The following PRXL2A variants were observed in gnomAD, a reference collection of about 807,000 sequenced individuals.
PRXL2A encodes the protein peroxiredoxin-like 2A.
In PRXL2A, 26 loss-of-function variants were observed where a neutral mutation model predicts 25.6. The ratio of observed to expected loss-of-function variants is 1.02; its 90% CI spans 0.74 to 1.41. PRXL2A has a LOEUF of 1.41. PRXL2A is among the 40% of genes most tolerant of loss of function. The pLI, the probability that PRXL2A is intolerant of heterozygous loss-of-function variation, is 0.00. For missense variants in PRXL2A, 246 were observed against 273.9 expected (o/e 0.90, Z 0.72); for synonymous variants, 98 against 102.9 (o/e 0.95, Z 0.29).
intron 3 of PRXL2A, among the ~76,000 whole-genome samples, chr10:80,424,116 C>T (rs1403244864): frequency 6.6e-6 from 1 of 152,146 alleles, no homozygotes; most frequent in Non-Finnish European, 1.5e-5. Flanking sequence ...TCTGTGCCCA[C>T]ATAGAACATT....
At chr10:80,422,660 G>T in intron 3 of PRXL2A, 152 bp downstream of exon 3, 3 of 494,010 alleles carry the variant, frequency 6.1e-6, no homozygotes, top group Admixed American at 3.9e-5. Flanking sequence ...TTTGATTTGT[G>T]CTCTTTTTTT....
intron 5 of PRXL2A, among the ~76,000 whole-genome samples, chr10:80,429,205 A>T (rs1029794033): frequency 6.6e-6 from 1 of 152,146 alleles, no homozygotes; most frequent in Non-Finnish European, 1.5e-5. Flanking sequence ...TTGGTAACTG[A>T]TTCGCTTGAC....
At chr10:80,417,388 C>T (rs1589554014) in intron 1 of PRXL2A, among the ~76,000 whole-genome samples, 1 of 152,174 alleles carries the variant, frequency 6.6e-6, no homozygotes, top group African/African-American at 2.4e-5. Flanking sequence ...TCTGCTTACA[C>T]AGGTCAACTC....
chr10:80,420,719 C>A, intron 2 of PRXL2A, 74 bp downstream of exon 2: 1 of 1,148,730 alleles, frequency 8.7e-7, no homozygotes, highest in Non-Finnish European at 1.2e-6. Context: ...TCTTTCTAAA[C>A]TCTCTCCTTT....
intron 5 of PRXL2A, among the ~76,000 whole-genome samples, chr10:80,430,389 G>A (rs552972184): frequency 6.6e-6 from 1 of 152,008 alleles, no homozygotes; most frequent in Non-Finnish European, 1.5e-5. Context: ...GGCGTGAGCC[G>A]CCGCACCCTG....
intron 1 of PRXL2A, among the ~76,000 whole-genome samples, chr10:80,411,272 A>G (rs778095194): frequency 1.8e-4 from 27 of 152,206 alleles, no homozygotes; most frequent in Non-Finnish European, 3.7e-4. Context: ...CCCTTAAGAC[A>G]TTTGGCTTCA....
chr10:80,409,967 C>T (rs879290519), intron 1 of PRXL2A, among the ~76,000 whole-genome samples: 13 of 152,136 alleles, frequency 8.5e-5, no homozygotes, highest in Non-Finnish European at 1.2e-4. Flanking sequence ...CCTATATCCC[C>T]GTCTTTTATA....
chr10:80,424,672 C>G (rs1844981077), intron 3 of PRXL2A, among the ~76,000 whole-genome samples: 1 of 151,852 alleles, frequency 6.6e-6, no homozygotes, highest in South Asian at 2.1e-4. Flanking sequence ...TCAAGACCAG[C>G]CTGGCCAACA....
At chr10:80,424,784 C>T (rs1844987784) in intron 3 of PRXL2A, among the ~76,000 whole-genome samples, 1 of 152,144 alleles carries the variant, frequency 6.6e-6, no homozygotes, top group South Asian at 2.1e-4. Flanking sequence ...TCACTTGAAC[C>T]CAGGAGGTGT....
rs1018176878 is a variant in PRXL2A, at chr10:80,420,487, C to T, written c.20C>T (p.Pro7Leu). 1.9e-6 allele frequency: 3 copies of T among 1,596,216 alleles called. No homozygotes were observed. Among genetic ancestry groups the T allele is most frequent in the Non-Finnish European group, 2.6e-6 (3 of 1,169,456 alleles). The change falls in exon 2 of 6, where the codon CCA (proline) becomes CTA (leucine). Residue 7 changes from proline to leucine, a missense_variant. Transcript: ENST00000606162. MSFLQD[P>L]SFFTMGMWSI... is the part of the protein sequence containing the mutation. ...CCAGAAATGTCTTTCCTCCAGGACC[C>T]AAGTTTCTTCACCATGGGGATGTGG... is the stretch of plus-strand genomic sequence containing the variant.
At chr10:80,425,730 A>G in intron 3 of PRXL2A, 136 bp from the exon 4 acceptor site, 1 of 1,040,138 alleles carries the variant, frequency 9.6e-7, no homozygotes, top group Non-Finnish European at 1.4e-6. Context: ...TGGTTAGGAC[A>G]GCCATAACAG....
chr10:80,420,342 C>T (rs542028636), intron 1 of PRXL2A, 124 bp from the exon 2 acceptor site: 18 of 1,466,810 alleles, frequency 1.2e-5, no homozygotes, highest in Non-Finnish European at 1.5e-5. Flanking sequence ...GCCTGTGACA[C>T]TGCTGCTCCC....
At chr10:80,412,672 G>A (rs1844513426) in intron 1 of PRXL2A, among the ~76,000 whole-genome samples, 1 of 152,188 alleles carries the variant, frequency 6.6e-6, no homozygotes, top group African/African-American at 2.4e-5. Context: ...GAAAGGCTTT[G>A]GAGAGGAAGT....
chr10:80,423,656 C>T (rs73305111), intron 3 of PRXL2A, among the ~76,000 whole-genome samples: 12,345 of 152,288 alleles, frequency 0.081, 491 homozygotes, highest in African/African-American at 0.1. Flanking sequence ...GGGTCCTCAC[C>T]ATAGCCCTTG....
chr10:80,425,649 G>A lies in PRXL2A; in HGVS notation c.271-217G>A, dbSNP rs527608550. ...TGGTCTAGTGCAGGGAAGGGGCTGG[G>A]AGATGATGTAGGAGAGAAGCATTGT... On this transcript the variant is annotated intron_variant, in intron 3 of 5. Transcript: ENST00000606162. 1.3e-4 allele frequency among the ~76,000 whole-genome samples: 20 copies of A among 152,360 alleles called. 1 individual carries two copies. The South Asian group carries it at 4.1e-3, about 32-fold the overall frequency.
intron 1 of PRXL2A, among the ~76,000 whole-genome samples, chr10:80,412,665 A>G (rs973975099): frequency 1.2e-4 from 18 of 152,190 alleles, no homozygotes; most frequent in Admixed American, 5.2e-4. Context: ...CTTTCAGGAA[A>G]GGCTTTGGAG....
At chr10:80,431,291 C>CT (rs36042493) in intron 5 of PRXL2A, among the ~76,000 whole-genome samples, 2,217 of 136,788 alleles carry the variant, frequency 0.016, 26 homozygotes, top group African/African-American at 0.029. Flanking sequence ...TGTGGTGGGC[C>CT]TTTTTTTTTT....
intron 1 of PRXL2A, among the ~76,000 whole-genome samples, chr10:80,410,511 A>G (rs1238641467): frequency 1.3e-5 from 2 of 152,230 alleles, no homozygotes; most frequent in African/African-American, 2.4e-5. Context: ...TGCTTCAGAT[A>G]TCCTGTCTTT....
intron 2 of PRXL2A, 57 bp downstream of exon 2, chr10:80,420,702 A>C: frequency 7.8e-7 from 1 of 1,282,686 alleles, no homozygotes; most frequent in Non-Finnish European, 1.0e-6. Context: ...ATACAGGCTT[A>C]CTGCTTTCTT....
Sources: allele counts gnomAD v4.1 joint callset (sites outside exome capture counted in the v4.1 genomes callset), GRCh38; gene constraint gnomAD v4.1.1; transcripts MANE v1.5; gene names NCBI Gene and HGNC (gene_info 2026-07-23, HGNC 2026-07-21).